GPC6: variants seen among roughly 807,000 people sequenced by gnomAD.
GPC6 encodes glypican-6.
GPC6 carries 14 observed loss-of-function variants against 55.2 expected under a neutral mutation model. The observed-to-expected ratio is 0.25, with a 90% CI of 0.17 to 0.40. The LOEUF is 0.40. Ranked by LOEUF, GPC6 falls within the 10% of genes least tolerant of loss-of-function variation. The probability of loss-of-function intolerance (pLI) is 1.00; values close to 1 mark genes in which losing one functional copy is unlikely to be tolerated. For synonymous variants in GPC6, 278 were observed against 259.6 expected, an observed-to-expected ratio of 1.07 and a Z score of -0.68; for missense variants, 641 against 708.5, an observed-to-expected ratio of 0.90 and a Z score of 1.08.
intron 4 of GPC6, among the ~76,000 whole-genome samples, chr13:94,215,855 C>CA (rs1284723061): frequency 4.0e-5 from 6 of 151,762 alleles, no homozygotes; most frequent in African/African-American, 1.5e-4. Flanking sequence ...TGGAAAACAT[C>CA]AAAAAGAAAA....
In GPC6 at chr13:94,085,321, CAAAAAAA is replaced by C. The variant is rs33967804; in HGVS notation, c.877+57444_877+57450del. On this transcript the variant is annotated intron_variant, in intron 4 of 8. Transcript: ENST00000377047. ...TGGGTGACAGAGCGAGATTCTGTCT[CAAAAAAA>C]AAAAAAAAAAAAAAAAGGGAAGAAA... 9.6e-4 allele frequency among the ~76,000 whole-genome samples: 84 copies of C among 87,070 alleles called. No individual in the cohort carries two copies. In the East Asian group the frequency reaches 0.014, roughly 15 times the overall value. 57.1% of individuals were successfully genotyped at this position (87,070 alleles called of 152,430 possible). A position where few individuals can be genotyped will look rare whatever the true frequency, so the allele number is the denominator to read the frequency against.
chr13:93,415,425 T>C (rs896924361), intron 1 of GPC6, among the ~76,000 whole-genome samples: 3 of 152,164 alleles, frequency 2.0e-5, no homozygotes, highest in African/African-American at 7.2e-5. Context: ...TTCATTTGTA[T>C]GACAAACCCT....
At chr13:93,434,102 C>T (rs890345904) in intron 1 of GPC6, among the ~76,000 whole-genome samples, 2 of 152,198 alleles carry the variant, frequency 1.3e-5, no homozygotes, top group Non-Finnish European at 2.9e-5. Flanking sequence ...TGCTCTCTGG[C>T]ATCCAGGGAC....
In GPC6 at chr13:93,877,940, G is replaced by A. The variant is rs74433720; in HGVS notation, c.711+47395G>A. Among the ~76,000 whole-genome samples, 7 of 152,156 alleles carry A rather than the reference G, an allele frequency of 4.6e-5. No individual in the cohort carries two copies. The East Asian group carries it at 1.4e-3, about 30-fold the overall frequency. On this transcript the variant is annotated intron_variant, in intron 3 of 8. Transcript: ENST00000377047. ...AGCATTAACAAATAGAAAAGTCAGA[G>A]GGTGGAGCTGGTGTCAGAGGGAACA...
At chr13:93,521,538 A>G (rs779856816) in intron 1 of GPC6, among the ~76,000 whole-genome samples, 3 of 151,960 alleles carry the variant, frequency 2.0e-5, no homozygotes, top group Non-Finnish European at 4.4e-5. Flanking sequence ...TTGCTTTTAC[A>G]GTTATCACTT....
chr13:93,524,171 G>A (rs995001057), intron 1 of GPC6, among the ~76,000 whole-genome samples: 1 of 151,940 alleles, frequency 6.6e-6, no homozygotes, highest in Non-Finnish European at 1.5e-5. Flanking sequence ...TTTCAGGCAA[G>A]GAGGAGCTGA....
intron 7 of GPC6, among the ~76,000 whole-genome samples, chr13:94,389,684 A>C (rs181325772): frequency 2.6e-5 from 4 of 152,312 alleles, no homozygotes; most frequent in Admixed American, 2.6e-4. Context: ...GGGCAGGAAA[A>C]ATGAAAGCCA....
Position 93,403,786 on chromosome 13 carries a change from C to T in GPC6, c.161-141477C>T, listed in dbSNP as rs116734945. Among the ~76,000 whole-genome samples, 1,134 of 151,796 alleles carry T rather than the reference C, an allele frequency of 7.5e-3. 13 individuals are homozygous for T. The highest frequency in any genetic ancestry group is 0.025 in the African/African-American group (1,055 of 41,438). On this transcript the variant is annotated intron_variant, in intron 1 of 8. Coordinates refer to ENST00000377047, the MANE Select transcript of GPC6 (RefSeq NM_005708.5). The stretch of plus-strand genomic sequence containing the variant: ...AGTTTAATCAAGCTAATTTTTTTTT[C>T]TCTCTCTCTCCAGAGTTTGTCATTT...
chr13:94,404,092 T>G lies in GPC6; in HGVS notation c.*875T>G, dbSNP rs1030785456. On this transcript the variant is annotated 3_prime_UTR_variant, in exon 9 of 9. Coordinates refer to ENST00000377047, the MANE Select transcript of GPC6 (RefSeq NM_005708.5). ...TTGAAAATAATCTTTGATGATACAA[T>G]CTCTGCTTTTGCCACAGGTTTGACA... 2.0e-5 allele frequency: 3 copies of G among 152,174 alleles called. No individual in the cohort carries two copies. Among genetic ancestry groups the G allele is most frequent in the Admixed American group, 6.5e-5 (1 of 15,278 alleles). 9.4% of individuals were successfully genotyped at this position (152,174 alleles called of 1,614,324 possible).
intron 3 of GPC6, among the ~76,000 whole-genome samples, chr13:93,866,249 G>A (rs145661924): frequency 2.6e-5 from 4 of 151,810 alleles, no homozygotes; most frequent in African/African-American, 9.6e-5. Flanking sequence ...GTAAACAATT[G>A]TAGTGTAGCC....
At chr13:93,608,356 A>C (rs1363443288) in intron 2 of GPC6, among the ~76,000 whole-genome samples, 1 of 152,174 alleles carries the variant, frequency 6.6e-6, no homozygotes, top group Non-Finnish European at 1.5e-5. Flanking sequence ...TTCTTATTCT[A>C]AAGAGCATAA....
At chr13:93,224,065 AT>A (rs1221217766), upstream of GPC6, among the ~76,000 whole-genome samples, 1 of 151,332 alleles carries the variant, frequency 6.6e-6, no homozygotes, top group Admixed American at 6.6e-5. Flanking sequence ...CACCCGTCTA[AT>A]TTTTTGTATT....
intron 1 of GPC6, among the ~76,000 whole-genome samples, chr13:93,323,157 T>C (rs1879516131): frequency 6.6e-6 from 1 of 152,226 alleles, no homozygotes; most frequent in African/African-American, 2.4e-5. Flanking sequence ...TGTCAGATTA[T>C]ATATGTTAAA....
At chr13:93,722,060 A>C in intron 2 of GPC6, among the ~76,000 whole-genome samples, 1 of 151,840 alleles carries the variant, frequency 6.6e-6, no homozygotes, top group East Asian at 1.9e-4. Flanking sequence ...ATGATTTTAA[A>C]TAGCTTCACT....
chr13:93,600,142 A>C (rs1259043141), intron 2 of GPC6, among the ~76,000 whole-genome samples: 1 of 152,210 alleles, frequency 6.6e-6, no homozygotes, highest in Non-Finnish European at 1.5e-5. Flanking sequence ...AACTTATAAC[A>C]AATAATCAAG....
intron 4 of GPC6, among the ~76,000 whole-genome samples, chr13:94,072,771 G>A (rs1353968956): frequency 2.0e-5 from 3 of 152,214 alleles, no homozygotes; most frequent in African/African-American, 4.8e-5. Flanking sequence ...CAAGACAAAC[G>A]AGTCAAATAG....
intron 2 of GPC6, among the ~76,000 whole-genome samples, chr13:93,627,847 A>G (rs974207352): frequency 3.9e-5 from 6 of 152,210 alleles, no homozygotes; most frequent in Non-Finnish European, 7.3e-5. Flanking sequence ...ATGTTATAGT[A>G]TAAGTGACTA....
chr13:93,235,968 G>A (rs950198848), intron 1 of GPC6, among the ~76,000 whole-genome samples: 1 of 152,156 alleles, frequency 6.6e-6, no homozygotes, highest in Admixed American at 6.5e-5. Context: ...CAAGATGATG[G>A]CTAGAGTTCC....
chr13:93,645,947 C>A (rs899336354), intron 2 of GPC6, among the ~76,000 whole-genome samples: 3 of 152,066 alleles, frequency 2.0e-5, no homozygotes, highest in African/African-American at 4.8e-5. Context: ...CCCAGATATA[C>A]ACAGTTACCA....
Sources: allele counts gnomAD v4.1 joint callset (sites outside exome capture counted in the v4.1 genomes callset), GRCh38; gene constraint gnomAD v4.1.1; transcripts MANE v1.5; gene names NCBI Gene and HGNC (gene_info 2026-07-23, HGNC 2026-07-21).